Variants in RBFOX3 observed in about 807,000 individuals in gnomAD.
The protein encoded by RBFOX3 is RNA binding protein fox-1 homolog 3.
In RBFOX3, 17 loss-of-function variants were observed where a neutral mutation model predicts 48.7. The ratio of observed to expected loss-of-function variants is 0.35; its 90% CI spans 0.24 to 0.52. RBFOX3 has a LOEUF of 0.52. RBFOX3 is among the 20% of genes least tolerant of loss of function. The pLI, the probability that RBFOX3 is intolerant of heterozygous loss-of-function variation, is 0.94. For missense variants in RBFOX3, 382 were observed against 497.5 expected (o/e 0.77, Z 2.21); for synonymous variants, 212 against 209.5 (o/e 1.01, Z -0.10).
chr17:79,328,629 C>T (rs1407615763), intron 2 of RBFOX3, among the ~76,000 whole-genome samples: 1 of 152,186 alleles, frequency 6.6e-6, no homozygotes, highest in East Asian at 1.9e-4. Context: ...CCCTCGCAGG[C>T]ACTGGCTGAG....
At chr17:79,493,694 G>A (rs2081030248) in intron 1 of RBFOX3, among the ~76,000 whole-genome samples, 2 of 152,168 alleles carry the variant, frequency 1.3e-5, no homozygotes, top group African/African-American at 4.8e-5. Flanking sequence ...TATGAAGGCT[G>A]GGAAATATCT....
chr17:79,223,467 G>T (rs1197247078), intron 4 of RBFOX3, among the ~76,000 whole-genome samples: 2 of 152,192 alleles, frequency 1.3e-5, no homozygotes, highest in Non-Finnish European at 2.9e-5. Flanking sequence ...CAGCCCCACT[G>T]GGGCAACCCC....
rs1265038119 is a variant in RBFOX3, at chr17:79,363,538, C to T, written c.-174-55714G>A. ...TCTCAGATCTTCTGAGGATGCCCAA[C>T]ACAAGGCTCAATTCCCCTTCCTGTT... On this transcript the variant is annotated intron_variant, in intron 2 of 14. Transcript: ENST00000693108. The surrounding 1 kb of genome is among the most constrained non-coding windows in gnomAD (Gnocchi z 4.7). Among the ~76,000 whole-genome samples, 1 of 152,100 alleles carries T rather than the reference C, an allele frequency of 6.6e-6. No individual in the cohort carries two copies. The highest frequency in any genetic ancestry group is 2.4e-5 in the African/African-American group (1 of 41,400).
rs558577043 is a variant in RBFOX3, at chr17:79,311,754, G to A, written c.-174-3930C>T. Among the ~76,000 whole-genome samples, 6 of 152,284 alleles carry A rather than the reference G, an allele frequency of 3.9e-5. No individual in the cohort carries two copies. In the South Asian group the frequency reaches 6.2e-4, roughly 16 times the overall value. ...CACCTCCCCATGCTCTGCCCAGCAT[G>A]CAGTTCTGGCTGGTGGAGTGGGAAG... On this transcript the variant is annotated intron_variant, in intron 2 of 14. Transcript: ENST00000693108. This position sits in a 1 kb window ranked among gnomAD's most constrained non-coding sequence, Gnocchi z 4.2.
At chr17:79,153,468 G>T (rs1238258838) in intron 4 of RBFOX3, among the ~76,000 whole-genome samples, 1 of 152,210 alleles carries the variant, frequency 6.6e-6, no homozygotes, top group Non-Finnish European at 1.5e-5. Flanking sequence ...CTCGGTGTCA[G>T]GGCTGGGGAC....
intron 2 of RBFOX3, among the ~76,000 whole-genome samples, chr17:79,455,797 C>T (rs536007753): frequency 4.1e-4 from 62 of 152,328 alleles, no homozygotes; most frequent in African/African-American, 1.5e-3. Context: ...CACAGCCACA[C>T]ACAGCCCCAT....
chr17:79,090,706 C>T lies in RBFOX3; in HGVS notation c.*177G>A, dbSNP rs1204419389. 1.9e-5 allele frequency: 15 copies of T among 776,266 alleles called. No homozygotes were observed. Among genetic ancestry groups the T allele is most frequent in the East Asian group, 1.1e-4 (4 of 36,232 alleles). 48.1% of individuals were successfully genotyped at this position (776,266 alleles called of 1,614,324 possible). On this transcript the variant is annotated 3_prime_UTR_variant, in exon 15 of 15. Coordinates refer to ENST00000693108, the MANE Select transcript of RBFOX3 (RefSeq NM_001350451.2). Reference sequence around the variant, plus strand: ...CGGCGCCCCTGCCGGCGTGCTCCCTCGGTGCGGGCGTGTGGCCAGGACGCG... The same window carrying T: ...CGGCGCCCCTGCCGGCGTGCTCCCTTGGTGCGGGCGTGTGGCCAGGACGCG...
intron 4 of RBFOX3, among the ~76,000 whole-genome samples, chr17:79,213,648 C>A (rs899554491): frequency 6.6e-6 from 1 of 152,216 alleles, no homozygotes; most frequent in African/African-American, 2.4e-5. Flanking sequence ...ATGTCCTGAG[C>A]CTTCCCCGGG....
chr17:79,383,934 G>T, intron 2 of RBFOX3, among the ~76,000 whole-genome samples: 1 of 150,470 alleles, frequency 6.6e-6, no homozygotes, highest in East Asian at 1.9e-4. Context: ...GAATGTCAGA[G>T]GGGGGGGCAA....
chr17:79,271,982 G>T (rs750375655), intron 3 of RBFOX3, among the ~76,000 whole-genome samples: 37 of 152,338 alleles, frequency 2.4e-4, no homozygotes, highest in Non-Finnish European at 4.9e-4. Flanking sequence ...GGCCCTTCCC[G>T]CGGAATATAT....
intron 4 of RBFOX3, among the ~76,000 whole-genome samples, chr17:79,148,075 G>A (rs373300571): frequency 3.3e-5 from 5 of 152,080 alleles, no homozygotes; most frequent in East Asian, 1.9e-4. Context: ...TTTCCTCACC[G>A]TGGGACCCCA....
intron 4 of RBFOX3, among the ~76,000 whole-genome samples, chr17:79,156,665 C>G (rs1485124305): frequency 6.6e-6 from 1 of 152,238 alleles, no homozygotes; most frequent in African/African-American, 2.4e-5. Flanking sequence ...CACATATTGT[C>G]TCCGGCTGTG....
intron 4 of RBFOX3, among the ~76,000 whole-genome samples, chr17:79,134,321 T>C (rs1354854742): frequency 1.3e-5 from 2 of 152,282 alleles, no homozygotes. Context: ...GTTGGAAAAC[T>C]GGATGTATTC....
chr17:79,166,032 C>T (rs751042532), intron 4 of RBFOX3, among the ~76,000 whole-genome samples: 1 of 152,212 alleles, frequency 6.6e-6, no homozygotes, highest in Non-Finnish European at 1.5e-5. Context: ...AAACTGAGGC[C>T]CAGGGAGCTG....
At chr17:79,170,790 C>T (rs1460896724) in intron 4 of RBFOX3, among the ~76,000 whole-genome samples, 1 of 152,156 alleles carries the variant, frequency 6.6e-6, no homozygotes, top group African/African-American at 2.4e-5. Flanking sequence ...TCTGTGGCTC[C>T]CTATTGCCTA....
intron 12 of RBFOX3, among the ~76,000 whole-genome samples, chr17:79,095,792 G>T (rs1045565577): frequency 2.0e-5 from 3 of 152,236 alleles, no homozygotes. Flanking sequence ...CAGATGGCTA[G>T]GTGGCACAGT....
chr17:79,619,992 C>T, the RBFOX3 span, among the ~76,000 whole-genome samples: 20 of 152,170 alleles, frequency 1.3e-4, no homozygotes, highest in Non-Finnish European at 2.8e-4. Flanking sequence ...CACACACGCA[C>T]ATGCACACAC....
At chr17:79,457,928 C>T (rs1289499907) in intron 2 of RBFOX3, among the ~76,000 whole-genome samples, 5 of 152,346 alleles carry the variant, frequency 3.3e-5, no homozygotes, top group African/African-American at 7.2e-5. Flanking sequence ...CCAGAAAACA[C>T]GGTGGGTGGG....
chr17:79,651,583 G>A, the RBFOX3 span, among the ~76,000 whole-genome samples: 1 of 150,706 alleles, frequency 6.6e-6, no homozygotes, highest in African/African-American at 2.4e-5. Flanking sequence ...CTTCCATCTT[G>A]GTTTGTCCTC....
Sources: allele counts gnomAD v4.1 joint callset (sites outside exome capture counted in the v4.1 genomes callset), GRCh38; gene constraint gnomAD v4.1.1; non-coding constraint Gnocchi (gnomAD v3.1); transcripts MANE v1.5; gene names NCBI Gene and HGNC (gene_info 2026-07-23, HGNC 2026-07-21).